Variants in STK24 observed in about 807,000 individuals in gnomAD.
STK24 encodes serine/threonine kinase 24.
STK24 carries 21 observed loss-of-function variants against 55.6 expected under a neutral mutation model. That is an observed-to-expected ratio of 0.38 (90% CI 0.27 to 0.54). The LOEUF (loss-of-function observed/expected upper bound fraction) is 0.54. Ranked by LOEUF, STK24 falls within the 20% of genes least tolerant of loss-of-function variation. STK24 has a pLI of 0.79. For synonymous variants in STK24, 200 were observed against 215.2 expected, an observed-to-expected ratio of 0.93 and a Z score of 0.62; for missense variants, 383 against 538.4, an observed-to-expected ratio of 0.71 and a Z score of 2.86.
intron 1 of STK24, among the ~76,000 whole-genome samples, chr13:98,522,369 T>C (rs193271816): frequency 6.6e-6 from 1 of 152,174 alleles, no homozygotes; most frequent in Non-Finnish European, 1.5e-5. Flanking sequence ...CAGAACCACC[T>C]AGGACATCTG....
At chr13:98,470,321 G>A (rs1236830557) in intron 5 of STK24, among the ~76,000 whole-genome samples, 2 of 152,050 alleles carry the variant, frequency 1.3e-5, no homozygotes, top group African/African-American at 4.8e-5. Context: ...GGGCAAGGGG[G>A]GGTCTTGCTT....
intron 3 of STK24, among the ~76,000 whole-genome samples, chr13:98,476,900 C>G (rs1894397905): frequency 6.6e-6 from 1 of 152,218 alleles, no homozygotes; most frequent in Non-Finnish European, 1.5e-5. Flanking sequence ...TCCAGCCACC[C>G]CTGGCCTTCT....
intron 5 of STK24, among the ~76,000 whole-genome samples, chr13:98,472,037 G>A (rs1325661327): frequency 2.0e-5 from 3 of 152,206 alleles, no homozygotes; most frequent in African/African-American, 7.2e-5. Flanking sequence ...GTACCCTGAA[G>A]AGCACTGGCT....
In STK24 at chr13:98,448,642, C is replaced by A. The variant is rs1893016976; in HGVS notation, c.*4531G>T. On this transcript the variant is annotated 3_prime_UTR_variant, in exon 11 of 11. Coordinates refer to ENST00000539966, the MANE Select transcript of STK24 (RefSeq NM_001032296.4). ...AAACAGTACACACACATCCGTTCAA[C>A]ACAAGACAGGGCAAGTGTTTTTCTT... 7.8e-6 allele frequency: 2 copies of A among 255,840 alleles called. No individual in the cohort carries two copies. The allele number at this position is 255,840 out of a possible 1,614,324, so 15.8% of individuals were successfully genotyped here. A position where few individuals can be genotyped will look rare whatever the true frequency, so the allele number is the denominator to read the frequency against.
chr13:98,516,637 G>A (rs781135741), intron 2 of STK24, among the ~76,000 whole-genome samples: 6 of 152,128 alleles, frequency 3.9e-5, no homozygotes, highest in African/African-American at 1.4e-4. Context: ...CTTCCCACAC[G>A]TGAGCCTCCA....
intron 3 of STK24, among the ~76,000 whole-genome samples, chr13:98,478,955 T>C (rs1894486464): frequency 6.6e-6 from 1 of 152,146 alleles, no homozygotes; most frequent in African/African-American, 2.4e-5. Context: ...TTGACAGACC[T>C]CCCCACCAGA....
chr13:98,512,883 C>T (rs9300483), intron 2 of STK24, among the ~76,000 whole-genome samples: 45,611 of 152,150 alleles, frequency 0.3, 7,113 homozygotes, highest in African/African-American at 0.37. Context: ...TCCCTCTCAT[C>T]TGTGGTGTCT....
intron 1 of STK24, among the ~76,000 whole-genome samples, chr13:98,563,745 A>G (rs1446519614): frequency 6.6e-6 from 1 of 152,056 alleles, no homozygotes; most frequent in African/African-American, 2.4e-5. Flanking sequence ...CTATAGTCCC[A>G]GCTACTCGGG....
chr13:98,548,861 CA>C (rs55793722), intron 1 of STK24, among the ~76,000 whole-genome samples: 1,031 of 37,722 alleles, frequency 0.027, 7 homozygotes, highest in African/African-American at 0.074. Context: ...GACTCTGTCT[CA>C]AAAAAAAAAA....
At chr13:98,494,743 A>G (rs1266306332) in intron 2 of STK24, among the ~76,000 whole-genome samples, 1 of 152,158 alleles carries the variant, frequency 6.6e-6, no homozygotes, top group East Asian at 1.9e-4. Flanking sequence ...ATGTAAATCA[A>G]TGTGTTCTTG....
At chr13:98,566,292 C>T (rs1170592276) in intron 1 of STK24, among the ~76,000 whole-genome samples, 1 of 152,234 alleles carries the variant, frequency 6.6e-6, no homozygotes, top group Non-Finnish European at 1.5e-5. Context: ...CTGTTCACAG[C>T]CCTGAACTCA....
intron 1 of STK24, among the ~76,000 whole-genome samples, chr13:98,529,855 G>A (rs897823033): frequency 1.3e-5 from 2 of 152,100 alleles, no homozygotes; most frequent in African/African-American, 2.4e-5. Flanking sequence ...GAACTACAGA[G>A]GCAAGATCAT....
At chr13:98,504,020 T>C (rs1895590466) in intron 2 of STK24, among the ~76,000 whole-genome samples, 1 of 152,210 alleles carries the variant, frequency 6.6e-6, no homozygotes, top group South Asian at 2.1e-4. Context: ...ATGTGAAGTC[T>C]ATGGAGAAGA....
intron 2 of STK24, among the ~76,000 whole-genome samples, chr13:98,516,262 G>C (rs1030114331): frequency 6.6e-6 from 1 of 152,132 alleles, no homozygotes; most frequent in Non-Finnish European, 1.5e-5. Flanking sequence ...TTAAAATCCG[G>C]GCCAACTTTC....
chr13:98,554,128 T>TC (rs1290440327), intron 1 of STK24, among the ~76,000 whole-genome samples: 1 of 151,348 alleles, frequency 6.6e-6, no homozygotes, highest in Non-Finnish European at 1.5e-5. Context: ...GATGAATTGG[T>TC]CCTGGTGCAG....
chr13:98,457,187 G>A lies in STK24; in HGVS notation c.1240C>T (p.Leu414Phe). The stretch of plus-strand genomic sequence containing the variant: ...AGTTACCTCTGGAGCCGCTGCACGA[G>A]CTGGGCCACCATGGTGTCGGAGATG... ...PGISDTMVAQLVQRLQRYSLS... is the reference protein window; with the variant it reads ...PGISDTMVAQFVQRLQRYSLS... The change falls in exon 10 of 11, where the codon CTC becomes TTC. Residue 414 changes from leucine (L) to phenylalanine (F), a missense_variant. Leu to Phe is a conservative substitution (Grantham distance 22, BLOSUM62 0). Transcript: ENST00000539966. The A allele has an allele frequency of 6.2e-7, 1 of 1,611,676 alleles. No homozygotes were observed. Among genetic ancestry groups the A allele is most frequent in the Non-Finnish European group, 8.5e-7 (1 of 1,179,746 alleles).
Position 98,460,140 on chromosome 13 carries a change from C to T in STK24, c.1122+232G>A, listed in dbSNP as rs75801356. Among the ~76,000 whole-genome samples, 1,011 of 152,320 alleles carry T rather than the reference C, an allele frequency of 6.6e-3. 6 individuals are homozygous for T. Among genetic ancestry groups the T allele is most frequent in the Non-Finnish European group, 0.012 (784 of 68,034 alleles). On this transcript the variant is annotated intron_variant, in intron 9 of 10. Transcript: ENST00000539966. ...GGTGACACAGGGTCTCGGGCTGGGT[C>T]ACTGTCATCCAGTCTACACATTCCA...
chr13:98,454,059 C>T (rs1466467553), intron 10 of STK24: 3 of 152,090 alleles, frequency 2.0e-5, no homozygotes, highest in Non-Finnish European at 2.9e-5. Flanking sequence ...TGTATATGTG[C>T]ACTATATAAG....
chr13:98,521,157 T>C (rs1896247258), intron 1 of STK24, among the ~76,000 whole-genome samples: 1 of 152,216 alleles, frequency 6.6e-6, no homozygotes, highest in African/African-American at 2.4e-5. Context: ...TGATCCCCCT[T>C]GGCTCCTAAA....
Sources: allele counts gnomAD v4.1 joint callset (sites outside exome capture counted in the v4.1 genomes callset), GRCh38; gene constraint gnomAD v4.1.1; transcripts MANE v1.5; gene names NCBI Gene and HGNC (gene_info 2026-07-23, HGNC 2026-07-21).